The following MUCL1 variants were observed in gnomAD, a reference collection of about 807,000 sequenced individuals.
MUCL1 encodes mucin like 1, also known as mucin-like protein 1.
Under a neutral mutation model 9.2 loss-of-function variants are expected in MUCL1, and 11 were observed. That is an observed-to-expected ratio of 1.19 (90% CI 0.75 to 1.97). MUCL1 has a LOEUF of 1.97. MUCL1 is among the 30% of genes most tolerant of loss of function. The pLI is 0.00. For synonymous variants in MUCL1, 48 were observed against 40.5 expected (o/e 1.19, Z -0.71); for missense variants, 144 against 110.9 (o/e 1.30, Z -1.34).
rs139317841 is a variant in MUCL1, at chr12:54,855,581, G to A, written c.100+424G>A. 9.3e-5 allele frequency: 18 copies of A among 194,028 alleles called. No homozygotes were observed. In the East Asian group the frequency reaches 1.1e-3, roughly 12 times the overall value. The allele number at this position is 194,028 out of a possible 1,614,324, so 12.0% of individuals were successfully genotyped here. The stretch of plus-strand genomic sequence containing the variant: ...GTCCATTTGGATCACAAGTGAGGGT[G>A]GTGTGTGGGATGTGGAGTGCAGGGG... On this transcript the variant is annotated intron_variant, in intron 2 of 3. Coordinates refer to ENST00000308796, the MANE Select transcript of MUCL1 (RefSeq NM_058173.3).
upstream of MUCL1, among the ~76,000 whole-genome samples, chr12:54,835,550 A>T (rs1179631131): frequency 6.8e-6 from 1 of 147,482 alleles, no homozygotes; most frequent in East Asian, 2.0e-4. Flanking sequence ...GGCCATTTGT[A>T]TATCTTCTTT....
chr12:54,853,390 G>A (rs1344479171), upstream of MUCL1, among the ~76,000 whole-genome samples: 1 of 152,102 alleles, frequency 6.6e-6, no homozygotes, highest in Non-Finnish European at 1.5e-5. Context: ...ATGACAAAGG[G>A]CAAGTAGATT....
intron 3 of MUCL1, 69 bp from the exon 4 acceptor site, chr12:54,858,124 T>C: frequency 6.3e-7 from 1 of 1,581,416 alleles, no homozygotes; most frequent in Non-Finnish European, 8.7e-7. Flanking sequence ...TTCCTTCAGA[T>C]TCTGAAGAAT....
upstream of MUCL1, chr12:54,854,484 T>C: frequency 1.1e-6 from 1 of 899,930 alleles, no homozygotes. Flanking sequence ...GCCCTCTGCA[T>C]ATATATTGTC....
chr12:54,832,595 C>T (rs1474316935), intron 1 of MUCL1, among the ~76,000 whole-genome samples: 2 of 151,984 alleles, frequency 1.3e-5, no homozygotes, highest in African/African-American at 4.8e-5. Flanking sequence ...CCTACTTACT[C>T]GTCTATTTAA....
chr12:54,858,079 T>A, intron 3 of MUCL1, 114 bp from the exon 4 acceptor site: 1 of 1,249,722 alleles, frequency 8.0e-7, no homozygotes, highest in East Asian at 2.3e-5. Flanking sequence ...TCCTTTCGAA[T>A]CCCCTGAGTT....
intron 1 of MUCL1, among the ~76,000 whole-genome samples, chr12:54,843,464 C>T (rs565770251): frequency 6.6e-6 from 1 of 152,154 alleles, no homozygotes; most frequent in Non-Finnish European, 1.5e-5. Context: ...TGCCTGAAAC[C>T]TGCATTTATG....
chr12:54,848,371 T>C (rs914502455), intron 1 of MUCL1, among the ~76,000 whole-genome samples: 1 of 152,126 alleles, frequency 6.6e-6, no homozygotes, highest in Non-Finnish European at 1.5e-5. Flanking sequence ...ATAGATATGA[T>C]TTTTGTGTGG....
chr12:54,844,113 C>T (rs1959229202), intron 1 of MUCL1, among the ~76,000 whole-genome samples: 1 of 152,020 alleles, frequency 6.6e-6, no homozygotes, highest in Non-Finnish European at 1.5e-5. Context: ...CAAGGATATA[C>T]TGGTGTCATC....
chr12:54,836,179 T>C (rs529130269), upstream of MUCL1, among the ~76,000 whole-genome samples: 1 of 152,328 alleles, frequency 6.6e-6, no homozygotes, highest in African/African-American at 2.4e-5. Flanking sequence ...TCTTTGAAGG[T>C]CTGGTAGACT....
chr12:54,855,511 A>G (rs900949655), intron 2 of MUCL1: 6 of 245,360 alleles, frequency 2.4e-5, no homozygotes, highest in South Asian at 1.3e-4. Context: ...GCCAGTGTCA[A>G]AAAGAGACCA....
chr12:54,851,218 A>T (rs935330451), upstream of MUCL1, among the ~76,000 whole-genome samples: 2 of 152,026 alleles, frequency 1.3e-5, no homozygotes, highest in African/African-American at 2.4e-5. Flanking sequence ...GGTGTTTTAG[A>T]CATGAAGTCC....
intron 1 of MUCL1, among the ~76,000 whole-genome samples, chr12:54,845,726 G>C (rs564494890): frequency 3.9e-5 from 6 of 152,222 alleles, no homozygotes; most frequent in East Asian, 1.9e-4. Flanking sequence ...AAGTGAACTG[G>C]ACTGGACTGG....
Position 54,856,892 on chromosome 12 carries a change from G to A in MUCL1, c.223G>A (p.Val75Ile). 6.2e-7 allele frequency: 1 copy of A among 1,613,618 alleles called. No homozygotes were observed. Among genetic ancestry groups the A allele is most frequent in the Non-Finnish European group, 8.5e-7 (1 of 1,179,756 alleles). The change falls in exon 3 of 4, where the codon GTT becomes ATT. Residue 75 changes from valine (V) to isoleucine (I), a missense_variant and splice_region_variant. Val to Ile is a conservative substitution (Grantham distance 29). Coordinates refer to ENST00000308796, the MANE Select transcript of MUCL1 (RefSeq NM_058173.3). ...ASTTARKDIP[V>I]LPKWVGDLPN... is the part of the protein sequence containing the mutation. ...TACCACTGCTCGTAAAGACATTCCA[G>A]GTAGCAAGACTCCTCCATCTGTGTG...
upstream of MUCL1, among the ~76,000 whole-genome samples, chr12:54,850,888 A>C (rs2135944600): frequency 1.3e-5 from 2 of 152,114 alleles, no homozygotes; most frequent in South Asian, 4.2e-4. Context: ...TGTGGTTTTG[A>C]TTTGCATTTC....
chr12:54,831,781 A>G (rs1959185781), intron 1 of MUCL1, among the ~76,000 whole-genome samples: 1 of 152,114 alleles, frequency 6.6e-6, no homozygotes, highest in Admixed American at 6.6e-5. Context: ...GAAAAATTAT[A>G]CTATGAGGAA....
intron 1 of MUCL1, among the ~76,000 whole-genome samples, chr12:54,839,853 C>G (rs924614759): frequency 3.3e-5 from 5 of 152,174 alleles, no homozygotes; most frequent in Non-Finnish European, 2.9e-5. Flanking sequence ...GCAAACACTC[C>G]TTGAGCACCA....
rs748956313 is a variant in MUCL1 at position 54,856,785 on chromosome 12, A to T, written c.116A>T (p.Asp39Val). The change falls in exon 3 of 4, where the codon GAT becomes GTT. Residue 39 changes from aspartate to valine, a missense_variant. Physicochemically the swap from Asp to Val is radical, Grantham distance 152. Transcript: ENST00000308796. ...DTYPATGPAD[D>V]EAPDAETTAA... is the part of the protein sequence containing the mutation. The stretch of plus-strand genomic sequence containing the variant: ...CTAATTTCAGCTGGTCCTGCTGATG[A>T]TGAAGCCCCTGATGCTGAAACCACT... 29 of 1,612,610 alleles carry T rather than the reference A, an allele frequency of 1.8e-5. No homozygotes were observed. The South Asian group carries it at 3.2e-4, about 18-fold the overall frequency.
upstream of MUCL1, among the ~76,000 whole-genome samples, chr12:54,835,944 A>G (rs1378626250): frequency 6.6e-6 from 1 of 152,084 alleles, no homozygotes; most frequent in Non-Finnish European, 1.5e-5. Flanking sequence ...CTTGATCATG[A>G]TGAATTATCT....
Sources: gnomAD v4.1 joint callset for allele counts (sites outside exome capture counted in the v4.1 genomes callset) on GRCh38, gnomAD v4.1.1 for gene constraint, MANE v1.5 for transcripts, NCBI Gene and HGNC (gene_info 2026-07-23, HGNC 2026-07-21) for gene names.